The following NEGR1 variants were observed in gnomAD, a reference collection of about 807,000 sequenced individuals.
NEGR1 encodes the protein IgLON family member 4.
In NEGR1, 10 loss-of-function variants were observed where a neutral mutation model predicts 40.9. The observed-to-expected ratio is 0.24, with a 90% CI of 0.15 to 0.42. The LOEUF is 0.42. Among genes scored for constraint, NEGR1 ranks in the 10% least tolerant of loss-of-function variants. The probability of loss-of-function intolerance (pLI) is 1.00; values close to 1 mark genes in which losing one functional copy is unlikely to be tolerated. For synonymous variants in NEGR1, 185 were observed against 166.8 expected, an observed-to-expected ratio of 1.11 and a Z score of -0.84; for missense variants, 352 against 438.9, an observed-to-expected ratio of 0.80 and a Z score of 1.77.
At chr1:71,814,738 C>T (rs1658135909) in intron 2 of NEGR1, among the ~76,000 whole-genome samples, 1 of 152,098 alleles carries the variant, frequency 6.6e-6, no homozygotes, top group African/African-American at 2.4e-5. Context: ...GTTTGCATTT[C>T]TGTGGGGTCC....
At chr1:71,955,060 A>G (rs1646108279) in intron 1 of NEGR1, among the ~76,000 whole-genome samples, 1 of 152,142 alleles carries the variant, frequency 6.6e-6, no homozygotes, top group African/African-American at 2.4e-5. Context: ...TTTAACCTCA[A>G]TTCCAACTGA....
At chr1:71,855,630 T>C (rs1659735765) in intron 2 of NEGR1, among the ~76,000 whole-genome samples, 1 of 152,074 alleles carries the variant, frequency 6.6e-6, no homozygotes. Context: ...TACGGTACAG[T>C]AACCATAGCT....
At chr1:72,280,710 T>C (rs750279394) in intron 1 of NEGR1, among the ~76,000 whole-genome samples, 5 of 152,170 alleles carry the variant, frequency 3.3e-5, no homozygotes, top group Non-Finnish European at 5.9e-5. Context: ...AAAAATACGA[T>C]AGTATTCCAA....
intron 2 of NEGR1, among the ~76,000 whole-genome samples, chr1:71,845,772 T>C (rs1336621163): frequency 6.6e-6 from 1 of 152,120 alleles, no homozygotes; most frequent in Non-Finnish European, 1.5e-5. Context: ...TCTATCTATT[T>C]ATTTAGAGAT....
intron 1 of NEGR1, among the ~76,000 whole-genome samples, chr1:72,033,544 C>T (rs934380976): frequency 2.0e-5 from 3 of 152,150 alleles, no homozygotes; most frequent in Non-Finnish European, 4.4e-5. Context: ...CACTATTTCA[C>T]TTTCAAGTAA....
chr1:72,268,378 A>T (rs1221167128), intron 1 of NEGR1, among the ~76,000 whole-genome samples: 1 of 151,480 alleles, frequency 6.6e-6, no homozygotes, highest in Non-Finnish European at 1.5e-5. Context: ...GAAAAACCAA[A>T]TAACTTGCTG....
intron 1 of NEGR1, among the ~76,000 whole-genome samples, chr1:72,074,520 G>A (rs1218398213): frequency 2.0e-5 from 3 of 151,786 alleles, no homozygotes; most frequent in African/African-American, 7.3e-5. Context: ...CTCGGTCATG[G>A]CACTGAAAAA....
chr1:72,097,127 T>C (rs1648733425), intron 1 of NEGR1, among the ~76,000 whole-genome samples: 1 of 152,196 alleles, frequency 6.6e-6, no homozygotes, highest in South Asian at 2.1e-4. Context: ...TTACTGACTT[T>C]TGAGAAGTGG....
At chr1:72,223,116 G>A (rs766223009) in intron 1 of NEGR1, among the ~76,000 whole-genome samples, 4 of 151,782 alleles carry the variant, frequency 2.6e-5, no homozygotes, top group Non-Finnish European at 5.9e-5. Context: ...TTGAGCAGTG[G>A]GCAAATAATT....
At chr1:72,198,735 A>T (rs193109054) in intron 1 of NEGR1, among the ~76,000 whole-genome samples, 4 of 152,082 alleles carry the variant, frequency 2.6e-5, no homozygotes, top group Admixed American at 2.6e-4. Flanking sequence ...AATGTGGAGA[A>T]ATTGCGGGTC....
chr1:71,567,078 TA>T (rs1648645511), intron 6 of NEGR1, among the ~76,000 whole-genome samples: 1 of 152,184 alleles, frequency 6.6e-6, no homozygotes, highest in Admixed American at 6.5e-5. Context: ...AAGTCTAGAA[TA>T]AGATTTCTGG....
At chr1:71,901,270 A>G (rs925035710) in intron 2 of NEGR1, among the ~76,000 whole-genome samples, 2 of 152,226 alleles carry the variant, frequency 1.3e-5, no homozygotes, top group Non-Finnish European at 2.9e-5. Context: ...AGCCTGCCAT[A>G]GCAACTACTA....
chr1:72,179,167 A>C (rs1256910647), intron 1 of NEGR1, among the ~76,000 whole-genome samples: 1 of 151,896 alleles, frequency 6.6e-6, no homozygotes, highest in Non-Finnish European at 1.5e-5. Context: ...ATCCATCTTG[A>C]GTTGATTTTT....
chr1:71,474,733 A>AAC (rs1553144626), intron 6 of NEGR1, among the ~76,000 whole-genome samples: 1 of 148,338 alleles, frequency 6.7e-6, no homozygotes, highest in African/African-American at 2.5e-5. Flanking sequence ...AAAAAAAAAA[A>AAC]AAAAACAAAA....
At chr1:71,474,529 C>T (rs1646806121) in intron 6 of NEGR1, among the ~76,000 whole-genome samples, 1 of 145,398 alleles carries the variant, frequency 6.9e-6, no homozygotes, top group African/African-American at 2.7e-5. Flanking sequence ...CACACACACA[C>T]ACACACACAC....
chr1:71,991,423 G>T (rs547302739), intron 1 of NEGR1, among the ~76,000 whole-genome samples: 3 of 152,066 alleles, frequency 2.0e-5, no homozygotes, highest in Non-Finnish European at 4.4e-5. Flanking sequence ...TTACGCTATA[G>T]AAAACACATT....
chr1:72,192,869 A>G (rs1022676562), intron 1 of NEGR1, among the ~76,000 whole-genome samples: 1 of 151,702 alleles, frequency 6.6e-6, no homozygotes, highest in Admixed American at 6.6e-5. Flanking sequence ...TTCTTTTTCT[A>G]TGTGTAATAC....
At chr1:71,871,274 C>G (rs1373747989) in intron 2 of NEGR1, among the ~76,000 whole-genome samples, 2 of 152,130 alleles carry the variant, frequency 1.3e-5, no homozygotes, top group Admixed American at 1.3e-4. Flanking sequence ...ATCTCAGAAG[C>G]AAGTGACCTA....
chr1:71,838,909 T>A (rs930810100), intron 2 of NEGR1, among the ~76,000 whole-genome samples: 1 of 152,158 alleles, frequency 6.6e-6, no homozygotes, highest in Non-Finnish European at 1.5e-5. Flanking sequence ...ATATTTTGAA[T>A]AGTTAATATA....
Sources: gnomAD v4.1 joint callset for allele counts (sites outside exome capture counted in the v4.1 genomes callset) on GRCh38, gnomAD v4.1.1 for gene constraint, MANE v1.5 for transcripts, NCBI Gene and HGNC (gene_info 2026-07-23, HGNC 2026-07-21) for gene names.